The following AUTS2 variants were observed in gnomAD, a reference collection of about 807,000 sequenced individuals.
AUTS2 encodes the protein activator of transcription and developmental regulator AUTS2.
A neutral mutation model predicts 112.4 loss-of-function variants in AUTS2; 17 were observed. That is an observed-to-expected ratio of 0.15 (90% confidence interval 0.10 to 0.23). AUTS2 has a LOEUF of 0.23. Ranked by LOEUF, AUTS2 falls within the 10% of genes least tolerant of loss-of-function variation. AUTS2 has a pLI of 1.00. For synonymous variants in AUTS2, 751 were observed against 702.7 expected (o/e 1.07, Z -1.09); for missense variants, 1,510 against 1,701.6 (o/e 0.89, Z 1.98).
intron 4 of AUTS2, among the ~76,000 whole-genome samples, chr7:70,380,709 A>C (rs773080812): frequency 2.0e-5 from 3 of 152,234 alleles, no homozygotes; most frequent in Non-Finnish European, 4.4e-5. Context: ...GCCAGGTGTC[A>C]GAAATGGGTA....
chr7:70,007,476 A>G (rs900869373), intron 2 of AUTS2, among the ~76,000 whole-genome samples: 6 of 151,956 alleles, frequency 3.9e-5, no homozygotes, highest in African/African-American at 1.5e-4. Flanking sequence ...TATTGTGGCC[A>G]TTTTCCAGAA....
intron 2 of AUTS2, among the ~76,000 whole-genome samples, chr7:70,028,992 T>C (rs993835231): frequency 6.6e-6 from 1 of 152,102 alleles, no homozygotes; most frequent in African/African-American, 2.4e-5. Context: ...AAAGGCTCCC[T>C]CTCTTGGGTA....
At chr7:70,544,131 G>T (rs1800671871) in intron 5 of AUTS2, among the ~76,000 whole-genome samples, 1 of 152,182 alleles carries the variant, frequency 6.6e-6, no homozygotes, top group Admixed American at 6.5e-5. Context: ...ACAAGATTTG[G>T]TGTGATTTGC....
At chr7:70,130,094 T>C (rs969061840) in intron 3 of AUTS2, among the ~76,000 whole-genome samples, 1 of 152,062 alleles carries the variant, frequency 6.6e-6, no homozygotes, top group African/African-American at 2.4e-5. Context: ...TCCTTTTTAC[T>C]CCCAAGAGAG....
intron 5 of AUTS2, among the ~76,000 whole-genome samples, chr7:70,550,067 T>C (rs1800956417): frequency 6.6e-6 from 1 of 152,170 alleles, no homozygotes; most frequent in Non-Finnish European, 1.5e-5. Context: ...CAGTAGCTGA[T>C]AGTGAGGGGG....
chr7:69,818,854 C>G (rs1345290045), intron 1 of AUTS2, among the ~76,000 whole-genome samples: 1 of 152,140 alleles, frequency 6.6e-6, no homozygotes, highest in Admixed American at 6.5e-5. Context: ...GGTCTGTGAC[C>G]TTTGTGTTTA....
chr7:69,709,452 C>G (rs1056279412), intron 1 of AUTS2, among the ~76,000 whole-genome samples: 5 of 152,146 alleles, frequency 3.3e-5, no homozygotes, highest in African/African-American at 1.2e-4. Context: ...ATTTTCACTT[C>G]ATAGTGTTTC....
At position 69,632,603 on chromosome 7, in the gene AUTS2, C is replaced by T. The variant is rs541969310; in HGVS notation, c.309+32641C>T. On this transcript the variant is annotated intron_variant, in intron 1 of 18. Transcript: ENST00000342771. ...TCCCCTCTCCCCTCTGCCTTCTCCC[C>T]TCTCCCCTCTTCCCTCTCTGTTTTC... 4.0e-5 allele frequency among the ~76,000 whole-genome samples: 6 copies of T among 148,876 alleles called. No homozygotes were observed. The East Asian group carries it at 1.2e-3, about 30-fold the overall frequency.
chr7:70,387,534 A>G (rs1793667366), intron 4 of AUTS2, among the ~76,000 whole-genome samples: 1 of 152,150 alleles, frequency 6.6e-6, no homozygotes, highest in Admixed American at 6.6e-5. Flanking sequence ...TAACTTCCAA[A>G]ACTATCTTCA....
intron 1 of AUTS2, among the ~76,000 whole-genome samples, chr7:69,688,033 T>C (rs1797141592): frequency 6.6e-6 from 1 of 152,358 alleles, no homozygotes; most frequent in Middle Eastern, 3.4e-3. Context: ...AAAATGCATG[T>C]TATTTAGCTG....
intron 2 of AUTS2, among the ~76,000 whole-genome samples, chr7:69,915,327 T>C (rs895759282): frequency 1.3e-5 from 2 of 152,202 alleles, no homozygotes; most frequent in Non-Finnish European, 2.9e-5. Flanking sequence ...ATGTTGGAAA[T>C]AGTATTTTGT....
chr7:70,032,769 ATCC>A (rs1233222367), intron 2 of AUTS2, among the ~76,000 whole-genome samples: 1 of 151,976 alleles, frequency 6.6e-6, no homozygotes, highest in Admixed American at 6.6e-5. Flanking sequence ...CCTGTAAGGT[ATCC>A]TCCTCCTCTA....
At chr7:70,100,354 G>C (rs7790084) in intron 2 of AUTS2, among the ~76,000 whole-genome samples, 1 of 151,666 alleles carries the variant, frequency 6.6e-6, no homozygotes, top group Non-Finnish European at 1.5e-5. Flanking sequence ...ACTTAAATAT[G>C]TCCCCTTTTA....
intron 5 of AUTS2, among the ~76,000 whole-genome samples, chr7:70,652,940 C>G (rs562569669): frequency 2.0e-5 from 3 of 152,106 alleles, no homozygotes; most frequent in East Asian, 1.9e-4. Context: ...CCTCCCCTCC[C>G]CTTATTTAAA....
rs569380295 is a variant in AUTS2 at position 69,768,641 on chromosome 7, G to A, written c.310-130645G>A. Among the ~76,000 whole-genome samples, 5 of 152,314 alleles carry A rather than the reference G, an allele frequency of 3.3e-5. No individual in the cohort carries two copies. The South Asian group carries it at 1.0e-3, about 32-fold the overall frequency. On this transcript the variant is annotated intron_variant, in intron 1 of 18. Transcript: ENST00000342771. ...GTACAAAAGAACCAGATTTCAGTTA[G>A]TGATGAAAATGGAGGAAGTGAAGAA...
chr7:70,174,154 A>G (rs916489059), intron 4 of AUTS2, among the ~76,000 whole-genome samples: 1 of 152,238 alleles, frequency 6.6e-6, no homozygotes, highest in Admixed American at 6.5e-5. Flanking sequence ...CAGTGAACAC[A>G]TGAGTGATAA....
At chr7:69,760,546 G>A (rs973620741) in intron 1 of AUTS2, among the ~76,000 whole-genome samples, 3 of 152,020 alleles carry the variant, frequency 2.0e-5, no homozygotes, top group Non-Finnish European at 2.9e-5. Context: ...CAAGTGTGTC[G>A]GGCGCGGTGG....
chr7:70,652,424 A>G (rs745914730), intron 5 of AUTS2, among the ~76,000 whole-genome samples: 4 of 152,152 alleles, frequency 2.6e-5, no homozygotes, highest in Non-Finnish European at 4.4e-5. Flanking sequence ...TAGAGGGAAA[A>G]GAATTGACAT....
intron 2 of AUTS2, among the ~76,000 whole-genome samples, chr7:69,951,129 T>C (rs1274944128): frequency 6.6e-6 from 1 of 152,168 alleles, no homozygotes; most frequent in Non-Finnish European, 1.5e-5. Context: ...AAATATTTTA[T>C]TGTAGATTTC....
Sources: gnomAD v4.1 joint callset for allele counts (sites outside exome capture counted in the v4.1 genomes callset) on GRCh38, gnomAD v4.1.1 for gene constraint, MANE v1.5 for transcripts, NCBI Gene and HGNC (gene_info 2026-07-23, HGNC 2026-07-21) for gene names.